Variants in CADPS2 observed in about 807,000 individuals in gnomAD.
CADPS2 encodes calcium dependent secretion activator 2, also known as calcium-dependent secretion activator 2.
In CADPS2, 93 loss-of-function variants were observed where a neutral mutation model predicts 172.5. That is an observed-to-expected ratio of 0.54 (90% CI 0.46 to 0.64). The LOEUF (loss-of-function observed/expected upper bound fraction) is 0.64, where lower values mean the gene tolerates loss of function less well. CADPS2 is among the 30% of genes least tolerant of loss of function. The probability of loss-of-function intolerance (pLI) is 0.00; values close to 1 mark genes in which losing one functional copy is unlikely to be tolerated. For missense variants in CADPS2, 1,420 were observed against 1,565.9 expected (o/e 0.91, Z 1.57); for synonymous variants, 546 against 555.2 (o/e 0.98, Z 0.23).
intron 1 of CADPS2, among the ~76,000 whole-genome samples, chr7:122,778,507 C>A (rs998005252): frequency 1.1e-4 from 17 of 152,210 alleles, no homozygotes; most frequent in African/African-American, 4.1e-4. Flanking sequence ...ATATCAGATA[C>A]CTTCCCAGCA....
chr7:122,830,811 A>T (rs1806317117), intron 1 of CADPS2, among the ~76,000 whole-genome samples: 1 of 152,200 alleles, frequency 6.6e-6, no homozygotes, highest in South Asian at 2.1e-4. Flanking sequence ...TCTATTTAAT[A>T]AACAGAATCA....
chr7:122,694,463 G>T (rs2084808467), intron 2 of CADPS2, among the ~76,000 whole-genome samples: 1 of 152,180 alleles, frequency 6.6e-6, no homozygotes, highest in African/African-American at 2.4e-5. Context: ...CAACAGTGAT[G>T]AAAAATATGC....
Position 122,491,354 on chromosome 7 carries a change from G to T in CADPS2, c.1609C>A (p.Gln537Lys), listed in dbSNP as rs773483657. 1.4e-5 allele frequency: 23 copies of T among 1,611,568 alleles called. No homozygotes were observed. The highest frequency in any genetic ancestry group is 1.7e-5 in the Non-Finnish European group (20 of 1,178,728). ...EKKSEPQELM[Q>K]LEGYTVDYTD... ...TAATCCACAGTATAGCCTTCAAGCT[G>T]CATTAATTCTTGTGGTTCAGACTTC... The change falls in exon 10 of 30, where the codon CAG becomes AAG. Residue 537 changes from glutamine (Q) to lysine (K), a missense_variant. Gln to Lys is a moderately conservative substitution (Grantham distance 53, BLOSUM62 1). Coordinates refer to ENST00000449022, the MANE Select transcript of CADPS2 (RefSeq NM_017954.11).
intron 1 of CADPS2, among the ~76,000 whole-genome samples, chr7:122,865,111 G>A (rs1226609750): frequency 6.6e-6 from 1 of 152,058 alleles, no homozygotes; most frequent in Non-Finnish European, 1.5e-5. Flanking sequence ...GTTAGTTTCC[G>A]TGAGGGATGG....
intron 8 of CADPS2, among the ~76,000 whole-genome samples, chr7:122,552,634 C>T (rs1292637118): frequency 6.6e-6 from 1 of 152,048 alleles, no homozygotes; most frequent in Admixed American, 6.6e-5. Flanking sequence ...TTTCTTCCCA[C>T]TGGAGCTAAA....
At chr7:122,668,589 G>C (rs750540632) in intron 2 of CADPS2, among the ~76,000 whole-genome samples, 1 of 152,142 alleles carries the variant, frequency 6.6e-6, no homozygotes, top group Non-Finnish European at 1.5e-5. Flanking sequence ...AAGAGAGACA[G>C]AGACAGTCTC....
intron 7 of CADPS2, among the ~76,000 whole-genome samples, chr7:122,557,756 G>A (rs73218224): frequency 0.2 from 30,783 of 152,112 alleles, 3,326 homozygotes; most frequent in East Asian, 0.34. Flanking sequence ...ATGGCACACC[G>A]GCTGGCTATT....
At chr7:122,745,640 G>T (rs1387445156) in intron 1 of CADPS2, among the ~76,000 whole-genome samples, 2 of 148,296 alleles carry the variant, frequency 1.3e-5, no homozygotes, top group East Asian at 4.2e-4. Flanking sequence ...CGCTTTTGTT[G>T]TAGATAAGGC....
intron 7 of CADPS2, among the ~76,000 whole-genome samples, chr7:122,580,075 C>T (rs573597019): frequency 1.3e-5 from 2 of 152,228 alleles, no homozygotes; most frequent in African/African-American, 4.8e-5. Context: ...TAATACCAGA[C>T]AGAAATTTTC....
intron 2 of CADPS2, among the ~76,000 whole-genome samples, chr7:122,706,617 T>C (rs971610008): frequency 3.5e-5 from 5 of 144,716 alleles, no homozygotes; most frequent in African/African-American, 5.0e-5. Flanking sequence ...AGAGATAGGT[T>C]GTGTGTGTGT....
In CADPS2 at chr7:122,490,195, A is replaced by C. The variant is rs1307051098; in HGVS notation, c.1738T>G (p.Leu580Val). 1 of 1,613,468 alleles carries C rather than the reference A, an allele frequency of 6.2e-7. No homozygotes were observed. Among genetic ancestry groups the C allele is most frequent in the East Asian group, 2.2e-5 (1 of 44,800 alleles). The change falls in exon 11 of 30, where the codon TTA (leucine) becomes GTA (valine). Residue 580 changes from leucine (L) to valine (V), a missense_variant. Coordinates refer to ENST00000449022, the MANE Select transcript of CADPS2 (RefSeq NM_017954.11). The stretch of plus-strand genomic sequence containing the variant: ...GCCCTATACATGGCTTGAACCCATA[A>C]TATTCTGTCCTGTTCATCATCACTG... ...FASDDEQDRI[L>V]WVQAMYRATG... is the part of the protein sequence containing the mutation.
At chr7:122,829,485 T>A (rs1202369866) in intron 1 of CADPS2, among the ~76,000 whole-genome samples, 1 of 152,178 alleles carries the variant, frequency 6.6e-6, no homozygotes, top group Non-Finnish European at 1.5e-5. Flanking sequence ...ATTCCTACTC[T>A]TGTGTGCAAA....
chr7:122,747,542 CA>C (rs2092768544), intron 1 of CADPS2, among the ~76,000 whole-genome samples: 1 of 152,234 alleles, frequency 6.6e-6, no homozygotes, highest in East Asian at 1.9e-4. Flanking sequence ...CCATTTACTA[CA>C]CACTCAGCAC....
intron 9 of CADPS2, among the ~76,000 whole-genome samples, chr7:122,498,466 A>G (rs1302782795): frequency 1.3e-5 from 2 of 152,192 alleles, no homozygotes; most frequent in African/African-American, 4.8e-5. Context: ...CTTTATTCAA[A>G]TCCTATCAGA....
chr7:122,715,928 AT>A (rs968669545), intron 2 of CADPS2, among the ~76,000 whole-genome samples: 1 of 152,022 alleles, frequency 6.6e-6, no homozygotes, highest in Non-Finnish European at 1.5e-5. Flanking sequence ...CTCTAAAGGT[AT>A]TTTTTCCCCA....
intron 27 of CADPS2, among the ~76,000 whole-genome samples, chr7:122,349,085 G>T (rs867517997): frequency 3.3e-5 from 5 of 151,458 alleles, no homozygotes; most frequent in African/African-American, 4.9e-5. Context: ...TTTTTGTGGG[G>T]TTTTTTTTGG....
At chr7:122,601,576 G>T (rs1314328537) in intron 6 of CADPS2, among the ~76,000 whole-genome samples, 1 of 151,692 alleles carries the variant, frequency 6.6e-6, no homozygotes, top group South Asian at 2.1e-4. Flanking sequence ...TTAAAAATAG[G>T]ATCATCTTCT....
chr7:122,508,272 T>C (rs548268738), intron 9 of CADPS2, among the ~76,000 whole-genome samples: 2 of 152,018 alleles, frequency 1.3e-5, no homozygotes, highest in African/African-American at 4.8e-5. Context: ...TATATGAAGA[T>C]TAATATACAA....
At chr7:122,737,098 A>G in intron 1 of CADPS2, 30 bp from the exon 2 acceptor site, 1 of 1,183,086 alleles carries the variant, frequency 8.5e-7, no homozygotes. Flanking sequence ...TAAGCAGATA[A>G]ATTGGCCAGT....
Sources: gnomAD v4.1 joint callset for allele counts (sites outside exome capture counted in the v4.1 genomes callset) on GRCh38, gnomAD v4.1.1 for gene constraint, MANE v1.5 for transcripts, NCBI Gene and HGNC (gene_info 2026-07-23, HGNC 2026-07-21) for gene names.